The following NEBL variants were observed in gnomAD, a reference collection of about 807,000 sequenced individuals.
NEBL encodes nebulette, also known as LIM and SH3 protein 2.
Under a neutral mutation model 140.2 loss-of-function variants are expected in NEBL, and 122 were observed. The observed-to-expected ratio is 0.87, with a 90% CI of 0.75 to 1.01. The LOEUF (loss-of-function observed/expected upper bound fraction) is 1.01. Ranked by LOEUF, NEBL falls within the 50% of genes least tolerant of loss-of-function variation. The pLI, the probability that NEBL is intolerant of heterozygous loss-of-function variation, is 0.00. For missense variants in NEBL, 1,365 were observed against 1,231.3 expected (o/e 1.11, Z -1.62); for synonymous variants, 436 against 398.9 (o/e 1.09, Z -1.11).
At chr10:21,239,923 G>GA (rs758854535) in intron 3 of NEBL, among the ~76,000 whole-genome samples, 23 of 151,998 alleles carry the variant, frequency 1.5e-4, no homozygotes, top group Admixed American at 6.6e-4. Context: ...GGCTGAGGCA[G>GA]GAGAATGGCA....
intron 20 of NEBL, 194 bp downstream of exon 20, chr10:20,819,230 C>A: frequency 2.0e-6 from 2 of 997,886 alleles, no homozygotes; most frequent in Non-Finnish European, 2.8e-6. Context: ...CCTCTCCCGT[C>A]CAACAGGCTC....
rs532541686 is a variant in NEBL at position 21,001,777 on chromosome 10, A to G, written c.249+18340T>C. Among the ~76,000 whole-genome samples the G allele has an allele frequency of 5.3e-5, 8 of 152,312 alleles. No individual in the cohort carries two copies. The South Asian group carries it at 1.5e-3, about 28-fold the overall frequency. ...CAAAAACCTGCAACCTCAGACATGA[A>G]TGGATTAATTGCCATTTGTTTTGTT... On this transcript the variant is annotated intron_variant, in intron 3 of 6. Coordinates refer to the NEBL transcript ENST00000417816.
intron 3 of NEBL, among the ~76,000 whole-genome samples, chr10:21,215,473 G>T (rs1486813998): frequency 6.6e-6 from 1 of 152,132 alleles, no homozygotes; most frequent in Non-Finnish European, 1.5e-5. Flanking sequence ...ACAAACTCAT[G>T]AATGCAAAAT....
chr10:20,878,276 G>C (rs1414771412), intron 5 of NEBL, among the ~76,000 whole-genome samples: 1 of 152,148 alleles, frequency 6.6e-6, no homozygotes, highest in Non-Finnish European at 1.5e-5. Flanking sequence ...AATCTGACTT[G>C]ATTTTGGTGG....
rs774098558 is a variant in NEBL, at chr10:20,814,002, T to G, written c.2283A>C (p.Pro761=). 3.1e-6 allele frequency: 5 copies of G among 1,611,050 alleles called. No individual in the cohort carries two copies. Among genetic ancestry groups the G allele is most frequent in the Non-Finnish European group, 4.2e-6 (5 of 1,177,350 alleles). Residue 761 remains proline (P), a synonymous_variant, in exon 23 of 28, where the codon CCA becomes CCC. Coordinates refer to ENST00000377122, the MANE Select transcript of NEBL (RefSeq NM_006393.3). ...TAGCAGGTGTATCTAAAATCAGACT[T>G]GGTCTACCTTTCATCTGTTTATGGT... The part of the protein sequence containing the change: ...TQDHKQMKGR[P]SLILDTPAMR...
At chr10:20,843,345 T>C (rs1841569600) in intron 12 of NEBL, among the ~76,000 whole-genome samples, 1 of 151,056 alleles carries the variant, frequency 6.6e-6, no homozygotes, top group South Asian at 2.1e-4. Flanking sequence ...TATTTTGTTA[T>C]AGCAGCCAGA....
intron 11 of NEBL, among the ~76,000 whole-genome samples, chr10:20,847,254 A>T (rs887847629): frequency 2.6e-5 from 4 of 152,184 alleles, no homozygotes; most frequent in Non-Finnish European, 5.9e-5. Context: ...GGGTCCAAAG[A>T]TACTTTCTAC....
At chr10:21,259,368 G>A (rs563121586) in intron 1 of NEBL, among the ~76,000 whole-genome samples, 4 of 152,188 alleles carry the variant, frequency 2.6e-5, no homozygotes, top group East Asian at 1.9e-4. Flanking sequence ...GGAAGAGAGC[G>A]AATGGATACA....
chr10:21,116,735 T>C (rs1033527852), intron 2 of NEBL, among the ~76,000 whole-genome samples: 1 of 152,076 alleles, frequency 6.6e-6, no homozygotes, highest in Non-Finnish European at 1.5e-5. Context: ...AGTGGCACAA[T>C]CATAGCTCAA....
Position 20,783,637 on chromosome 10 carries a change from A to G in NEBL, c.*2110T>C, listed in dbSNP as rs1372133008. On this transcript the variant is annotated 3_prime_UTR_variant, in exon 28 of 28. Coordinates refer to ENST00000377122, the MANE Select transcript of NEBL (RefSeq NM_006393.3). ...TATATTTAGTCTGAAAATTTAATCA[A>G]CAACTACTCTTTCTTATAATCACAA... The G allele has an allele frequency of 6.6e-6, 1 of 152,602 alleles. No individual in the cohort carries two copies. Among genetic ancestry groups the G allele is most frequent in the Non-Finnish European group, 1.5e-5 (1 of 68,032 alleles). The allele number at this position is 152,602 out of a possible 1,614,324, so 9.5% of individuals were successfully genotyped here.
At chr10:21,157,930 A>G (rs1253302906) in intron 2 of NEBL, among the ~76,000 whole-genome samples, 1 of 152,206 alleles carries the variant, frequency 6.6e-6, no homozygotes, top group East Asian at 1.9e-4. Context: ...CACAGGGAGA[A>G]GACGGCTAGC....
intron 3 of NEBL, among the ~76,000 whole-genome samples, chr10:20,963,232 A>G (rs1836141166): frequency 6.6e-6 from 1 of 152,208 alleles, no homozygotes; most frequent in South Asian, 2.1e-4. Context: ...ATCTCCCAGC[A>G]TGGGTAAAGA....
At position 20,840,736 on chromosome 10, in the gene NEBL, C is replaced by T; in HGVS notation, c.1338+3G>A. The T allele has an allele frequency of 6.3e-7, 1 of 1,585,618 alleles. No homozygotes were observed. The highest frequency in any genetic ancestry group is 8.7e-7 in the Non-Finnish European group (1 of 1,154,692). ...ATCTAAGGTGTTAAATAAACATACT[C>T]ACCTCACTTGCCATTTCAGAGGCTC... On this transcript the variant is annotated splice_donor_region_variant and intron_variant, in intron 13 of 27. Transcript: ENST00000377122.
intron 18 of NEBL, 148 bp from the exon 19 acceptor site, chr10:20,823,448 A>C: frequency 1.7e-6 from 1 of 600,952 alleles, no homozygotes; most frequent in Non-Finnish European, 2.8e-6. Flanking sequence ...TCTTAATTTT[A>C]TATGATGCTT....
intron 3 of NEBL, among the ~76,000 whole-genome samples, chr10:21,219,678 G>C (rs1842040573): frequency 6.6e-6 from 1 of 152,104 alleles, no homozygotes; most frequent in African/African-American, 2.4e-5. Flanking sequence ...GATTTGAGTA[G>C]TATATGTATT....
chr10:21,173,591 G>C lies in NEBL; in HGVS notation c.69+174C>G, dbSNP rs1011007558. On this transcript the variant is annotated intron_variant, in intron 1 of 6. Transcript: ENST00000417816. The surrounding 1 kb of genome is among the most constrained non-coding windows in gnomAD (Gnocchi z 5.7). ...GGTTCCAACATCACAATCGCCAAGC[G>C]TGGTCTCTGACACTCCCGCTGGCGT... is the stretch of plus-strand genomic sequence containing the variant. 1.3e-5 allele frequency among the ~76,000 whole-genome samples: 2 copies of C among 152,116 alleles called. No homozygotes were observed. The highest frequency in any genetic ancestry group is 4.8e-5 in the African/African-American group (2 of 41,424).
chr10:20,826,587 A>C, intron 17 of NEBL, 48 bp from the exon 18 acceptor site: 1 of 1,407,364 alleles, frequency 7.1e-7, no homozygotes, highest in Non-Finnish European at 1.0e-6. Flanking sequence ...TCAGAATTCA[A>C]GTCCTAGATC....
At chr10:20,864,360 T>C (rs1289668009) in intron 7 of NEBL, among the ~76,000 whole-genome samples, 1 of 152,320 alleles carries the variant, frequency 6.6e-6, no homozygotes, top group East Asian at 1.9e-4. Flanking sequence ...CATAATTGTA[T>C]GTATATTGCA....
intron 22 of NEBL, among the ~76,000 whole-genome samples, chr10:20,814,961 A>C (rs1838575349): frequency 6.6e-6 from 1 of 152,220 alleles, no homozygotes; most frequent in Non-Finnish European, 1.5e-5. Flanking sequence ...TATTCAGGGT[A>C]TGCTAAGAAA....
Sources: allele counts gnomAD v4.1 joint callset (sites outside exome capture counted in the v4.1 genomes callset), GRCh38; gene constraint gnomAD v4.1.1; non-coding constraint Gnocchi (gnomAD v3.1); transcripts MANE v1.5; gene names NCBI Gene and HGNC (gene_info 2026-07-23, HGNC 2026-07-21).